The following HUWE1 variants were observed in gnomAD, a reference collection of about 807,000 sequenced individuals.
HUWE1 encodes the protein E3 ubiquitin-protein ligase HUWE1.
Under a neutral mutation model 299.4 loss-of-function variants are expected in HUWE1, and 18 were observed. The ratio of observed to expected loss-of-function variants is 0.06; its 90% confidence interval spans 0.04 to 0.09. The LOEUF (loss-of-function observed/expected upper bound fraction) is 0.09, where lower values mean the gene tolerates loss of function less well. Ranked by LOEUF, HUWE1 falls within the 10% of genes least tolerant of loss-of-function variation. The probability of loss-of-function intolerance (pLI) is 1.00; values close to 1 mark genes in which losing one functional copy is unlikely to be tolerated. For synonymous variants in HUWE1, 1,317 were observed against 1,286.1 expected (o/e 1.02, Z -0.51); for missense variants, 1,832 against 3,462.3 (o/e 0.53, Z 11.82).
At position 53,680,110 on chromosome X, in the gene HUWE1, T is replaced by C. The variant is rs1348558729; in HGVS notation, c.-86A>G. The C allele has an allele frequency of 6.8e-6, 2 of 295,486 alleles. No individual in the cohort carries two copies. The highest frequency in any genetic ancestry group is 1.2e-5 in the Non-Finnish European group (2 of 170,032). 24.4% of individuals were successfully genotyped at this position (295,486 alleles called of 1,213,427 possible). A position where few individuals can be genotyped will look rare whatever the true frequency, so the allele number is the denominator to read the frequency against. On this transcript the variant is annotated 5_prime_UTR_variant, in exon 3 of 84. Transcript: ENST00000262854. Reference sequence around the variant, plus strand: ...AATTCCCCACACTGCTCCAACAGCTTCCCGAACCTTCCTGACCAAGTTGGC... The same window carrying C: ...AATTCCCCACACTGCTCCAACAGCTCCCCGAACCTTCCTGACCAAGTTGGC...
At position 53,545,291 on chromosome X, in the gene HUWE1, G is replaced by A. The variant is rs2061498510; in HGVS notation, c.10916-130C>T. 2.1e-5 allele frequency: 14 copies of A among 655,245 alleles called. No homozygotes were observed. In the South Asian group the frequency reaches 3.1e-4, roughly 15 times the overall value. 54.0% of individuals were successfully genotyped at this position (655,245 alleles called of 1,213,427 possible). ...GCTGCAGAGAACCTAGAGTGAGCTG[G>A]AATCGTGCTCTGTTCAGCTTATTAT... On this transcript the variant is annotated intron_variant, in intron 70 of 83. Transcript: ENST00000262854.
intron 43 of HUWE1, among the ~76,000 whole-genome samples, chrX:53,578,276 C>A (rs1455801142): frequency 2.8e-5 from 3 of 106,858 alleles, no homozygotes; most frequent in East Asian, 3.1e-4. Context: ...AAGTGAGGAG[C>A]CCCTCCGTCC....
chrX:53,655,980 A>G (rs1557042761), intron 3 of HUWE1, among the ~76,000 whole-genome samples: 3 of 112,120 alleles, frequency 2.7e-5, no homozygotes. Context: ...AGGATCATCC[A>G]CATAGAAAAC....
intron 7 of HUWE1, among the ~76,000 whole-genome samples, chrX:53,635,318 GA>G (rs2067138993): frequency 9.1e-6 from 1 of 109,885 alleles, no homozygotes; most frequent in African/African-American, 3.3e-5. Context: ...TATATATGAA[GA>G]GAGTGTGAGA....
At position 53,581,019 on chromosome X, in the gene HUWE1, C is replaced by T. The variant is rs727503965; in HGVS notation, c.5528G>A (p.Arg1843His). 2.5e-6 allele frequency: 3 copies of T among 1,200,087 alleles called. No homozygotes were observed. Among genetic ancestry groups the T allele is most frequent in the East Asian group, 3.0e-5 (1 of 33,581 alleles). Residue 1843 changes from arginine to histidine, a missense_variant, in exon 43 of 84, where the codon CGC (arginine) becomes CAC (histidine). Around this residue, in one of 15 missense-constraint regions of HUWE1, gnomAD observed 50 missense variants for 114.9 expected, o/e 0.44. Transcript: ENST00000262854. ...ACCAGCTCCACTTGTAGCTGCTGAG[C>T]GAACAACCTAGTAAAGAGAGAAAGA... ...TLRHTMEKVV[R>H]SAATSGAGST...
chrX:53,591,317 T>C (rs1404398576), intron 33 of HUWE1, among the ~76,000 whole-genome samples, 195 bp from the exon 34 acceptor site: 1 of 111,698 alleles, frequency 9.0e-6, no homozygotes, highest in African/African-American at 3.3e-5. Flanking sequence ...AGCTACACAT[T>C]GGGTAAGGAG....
intron 19 of HUWE1, among the ~76,000 whole-genome samples, chrX:53,621,742 G>A (rs1443521794): frequency 2.7e-5 from 3 of 111,650 alleles, no homozygotes; most frequent in African/African-American, 9.8e-5. Context: ...ATTAGTAACA[G>A]AGAATGCCAC....
chrX:53,616,197 C>T (rs1277273085), intron 21 of HUWE1, among the ~76,000 whole-genome samples: 1 of 110,053 alleles, frequency 9.1e-6, no homozygotes, highest in Non-Finnish European at 1.9e-5. Flanking sequence ...GCCACTGTGC[C>T]AGGCCAGGCT....
In HUWE1 at chrX:53,624,509, G is replaced by A. The variant is rs187521125; in HGVS notation, c.1672+86C>T. 1.6e-4 allele frequency: 104 copies of A among 646,728 alleles called. No individual in the cohort carries two copies. The African/African-American group carries it at 2.0e-3, about 13-fold the overall frequency. 53.3% of individuals were successfully genotyped at this position (646,728 alleles called of 1,213,427 possible). A position where few individuals can be genotyped will look rare whatever the true frequency, so the allele number is the denominator to read the frequency against. Reference sequence around the variant, plus strand: ...GAGACTCTGTCTCAAAAATAAATAAGTAAATAAGTAAGTAAGTAAATACAG... The same window carrying A: ...GAGACTCTGTCTCAAAAATAAATAAATAAATAAGTAAGTAAGTAAATACAG... On this transcript the variant is annotated intron_variant, in intron 19 of 83. Transcript: ENST00000262854.
intron 4 of HUWE1, among the ~76,000 whole-genome samples, chrX:53,649,331 A>G (rs1557038502): frequency 8.9e-6 from 1 of 112,111 alleles, no homozygotes; most frequent in African/African-American, 3.2e-5. Flanking sequence ...TAAAAAGAGT[A>G]TGACCCTTGG....
At chrX:53,564,365 TAGTAC>T (rs1483010490) in intron 51 of HUWE1, among the ~76,000 whole-genome samples, 2 of 111,702 alleles carry the variant, frequency 1.8e-5, no homozygotes, top group Non-Finnish European at 3.8e-5. Flanking sequence ...TATCATTTCA[TAGTAC>T]ATGGCATCCT....
chrX:53,642,268 C>A (rs1179608396), intron 7 of HUWE1, among the ~76,000 whole-genome samples: 1 of 111,865 alleles, frequency 8.9e-6, no homozygotes, highest in African/African-American at 3.2e-5. Context: ...ATTTTTCTTT[C>A]TTGAAACTAT....
At position 53,631,025 on chromosome X, in the gene HUWE1, A is replaced by G. The variant is rs2066841432; in HGVS notation, c.772T>C (p.Phe258Leu). 8.7e-7 allele frequency: 1 copy of G among 1,150,306 alleles called. No homozygotes were observed. The allele number at this position is 1,150,306 out of a possible 1,213,427, so 94.8% of individuals were successfully genotyped here. Reference sequence around the variant, plus strand: ...CCATGGGCCAGTCGTATGTGTGTAAATAACAGCATCTGTAGAGAGATAAGA... The same window carrying G: ...CCATGGGCCAGTCGTATGTGTGTAAGTAACAGCATCTGTAGAGAGATAAGA... ...SIPKDKQMLL[F>L]THIRLAHGFS... Residue 258 changes from phenylalanine (F) to leucine (L), a missense_variant, in exon 12 of 84, where the codon TTT becomes CTT. By Grantham distance (22) the Phe-to-Leu change is conservative. This residue lies in a region of HUWE1 where 658 missense variants were observed against 1,282.6 expected (regional missense o/e 0.51). Transcript: ENST00000262854.
At chrX:53,644,784 G>T (rs1429294773) in intron 7 of HUWE1, among the ~76,000 whole-genome samples, 4 of 112,069 alleles carry the variant, frequency 3.6e-5, no homozygotes, top group African/African-American at 1.3e-4. Context: ...GTATTAAGAA[G>T]TTGCCTCTGG....
rs1159855486 is a variant in HUWE1 at position 53,534,165 on chromosome X, G to A, written c.12864C>T (p.Phe4288=). The change falls in exon 83 of 84, where the codon TTC becomes TTT. Residue 4288 remains phenylalanine (F), a synonymous_variant. Coordinates refer to ENST00000262854, the MANE Select transcript of HUWE1 (RefSeq NM_031407.7). ...IQWFWRALRS[F]DQADRAKFLQ... ...GGAACTTGGCACGGTCAGCTTGATC[G>A]AAAGAACGCAATGCTCTCCAGAACC... is the stretch of plus-strand genomic sequence containing the variant. 1.7e-5 allele frequency: 21 copies of A among 1,208,240 alleles called. No individual in the cohort carries two copies. Among genetic ancestry groups the A allele is most frequent in the Admixed American group, 1.3e-4 (6 of 45,587 alleles).
At chrX:53,597,978 A>G (rs369920943) in intron 29 of HUWE1, among the ~76,000 whole-genome samples, 2 of 112,021 alleles carry the variant, frequency 1.8e-5, no homozygotes, top group African/African-American at 6.5e-5. Context: ...AACAGGATTT[A>G]TGACAGCGCC....
At chrX:53,675,453 A>G (rs1428641363) in intron 3 of HUWE1, among the ~76,000 whole-genome samples, 1 of 111,752 alleles carries the variant, frequency 8.9e-6, no homozygotes, top group Non-Finnish European at 1.9e-5. Context: ...GACAGGCTAT[A>G]TCATGCATAG....
At chrX:53,599,208 GAGAGAAAT>G (rs1556987783) in intron 29 of HUWE1, among the ~76,000 whole-genome samples, 123 of 112,799 alleles carry the variant, frequency 1.1e-3, no homozygotes, top group Admixed American at 2.1e-3. Context: ...AAAGCAAGGA[GAGAGAAAT>G]ATGAACATCT....
At chrX:53,630,276 A>T (rs1569501495) in intron 12 of HUWE1, among the ~76,000 whole-genome samples, 2 of 112,440 alleles carry the variant, frequency 1.8e-5, no homozygotes, top group African/African-American at 3.2e-5. Context: ...AGAGAAGGCA[A>T]GTCATAACAT....
Sources: gnomAD v4.1 joint callset for allele counts (sites outside exome capture counted in the v4.1 genomes callset) on GRCh38, gnomAD v4.1.1 for gene constraint, gnomAD v4.1.1 regional missense constraint, MANE v1.5 for transcripts, NCBI Gene and HGNC (gene_info 2026-07-23, HGNC 2026-07-21) for gene names.